ARMH4: variants seen among roughly 807,000 people sequenced by gnomAD.
ARMH4 encodes armadillo-like helical domain-containing protein 4.
A neutral mutation model predicts 61.9 loss-of-function variants in ARMH4; 49 were observed. That is an observed-to-expected ratio of 0.79 (90% CI 0.63 to 1.00). The LOEUF (loss-of-function observed/expected upper bound fraction) is 1.00, where lower values mean the gene tolerates loss of function less well. Among genes scored for constraint, ARMH4 ranks in the 50% least tolerant of loss-of-function variants. The probability of loss-of-function intolerance (pLI) is 0.00; values close to 1 mark genes in which losing one functional copy is unlikely to be tolerated. For synonymous variants in ARMH4, 368 were observed against 341.5 expected (o/e 1.08, Z -0.85); for missense variants, 934 against 930.0 (o/e 1.00, Z -0.06).
chr14:58,089,148 A>G (rs901059604), intron 5 of ARMH4, among the ~76,000 whole-genome samples: 1 of 152,196 alleles, frequency 6.6e-6, no homozygotes, highest in African/African-American at 2.4e-5. Context: ...CCTTCCACTC[A>G]TTCCATACAC....
intron 4 of ARMH4, among the ~76,000 whole-genome samples, chr14:58,099,792 T>C (rs2141268839): frequency 6.6e-6 from 1 of 152,268 alleles, no homozygotes; most frequent in South Asian, 2.1e-4. Flanking sequence ...GAGAATATCC[T>C]GGGAGACATG....
intron 4 of ARMH4, among the ~76,000 whole-genome samples, chr14:58,118,270 T>G (rs1886597575): frequency 1.3e-5 from 2 of 152,214 alleles, no homozygotes; most frequent in African/African-American, 4.8e-5. Context: ...AACAGTGCTA[T>G]ACTGCCTGGA....
intron 4 of ARMH4, among the ~76,000 whole-genome samples, chr14:58,121,187 C>T (rs377027535): frequency 6.6e-6 from 1 of 152,208 alleles, no homozygotes; most frequent in Non-Finnish European, 1.5e-5. Context: ...TTCTTGGTAT[C>T]ATCTGAATAG....
In ARMH4 at chr14:58,030,901, A is replaced by G. The variant is rs371608284; in HGVS notation, c.2090-18751T>C. 3.3e-5 allele frequency among the ~76,000 whole-genome samples: 5 copies of G among 152,194 alleles called. No individual in the cohort carries two copies. The East Asian group carries it at 5.8e-4, about 18-fold the overall frequency. ...CAATGGACACTCGGGGTACCTCCAC[A>G]TTGCAGCTACCATAAATAATGTCAC... On this transcript the variant is annotated intron_variant, in intron 5 of 7. Transcript: ENST00000267485.
chr14:58,150,941 T>A (rs1449921392), intron 1 of ARMH4, among the ~76,000 whole-genome samples: 1 of 152,184 alleles, frequency 6.6e-6, no homozygotes, highest in Non-Finnish European at 1.5e-5. Flanking sequence ...GGAGACTCCC[T>A]GGAGCCCAAC....
At chr14:58,031,936 C>G (rs748656313) in intron 5 of ARMH4, among the ~76,000 whole-genome samples, 10 of 152,168 alleles carry the variant, frequency 6.6e-5, no homozygotes, top group Admixed American at 2.6e-4. Flanking sequence ...AAACCCCTTC[C>G]AAGCTTTCTA....
At chr14:58,012,284 G>A (rs1190479454) in intron 5 of ARMH4, 134 bp from the exon 6 acceptor site, 4 of 483,086 alleles carry the variant, frequency 8.3e-6, no homozygotes, top group African/African-American at 2.0e-5. Flanking sequence ...ACATAATGAC[G>A]ATAATGGCCT....
intron 5 of ARMH4, among the ~76,000 whole-genome samples, chr14:58,064,035 T>C (rs1313609712): frequency 1.3e-5 from 2 of 152,156 alleles, no homozygotes; most frequent in Admixed American, 6.5e-5. Context: ...ACGCACACTT[T>C]TAACAAAGAT....
chr14:58,097,999 C>T (rs1390326630), intron 4 of ARMH4, among the ~76,000 whole-genome samples: 1 of 152,142 alleles, frequency 6.6e-6, no homozygotes, highest in Non-Finnish European at 1.5e-5. Context: ...ATGGATGCAC[C>T]TCTGAAGCCC....
chr14:58,066,601 G>T (rs1324889269), intron 5 of ARMH4, among the ~76,000 whole-genome samples: 2 of 152,072 alleles, frequency 1.3e-5, no homozygotes, highest in Admixed American at 1.3e-4. Flanking sequence ...AATAATTAAT[G>T]TTATAAAAAA....
intron 5 of ARMH4, among the ~76,000 whole-genome samples, chr14:58,013,835 C>T (rs1362544358): frequency 1.3e-5 from 2 of 151,944 alleles, no homozygotes; most frequent in Non-Finnish European, 2.9e-5. Flanking sequence ...ACCAGCCTGG[C>T]CAACATGGTG....
At chr14:58,049,065 A>T (rs183029135) in intron 5 of ARMH4, among the ~76,000 whole-genome samples, 1 of 151,868 alleles carries the variant, frequency 6.6e-6, no homozygotes, top group Non-Finnish European at 1.5e-5. Flanking sequence ...GTGAAACCCC[A>T]TCTCTATTAA....
In ARMH4 at chr14:58,053,401, C is replaced by T. The variant is rs73293209; in HGVS notation, c.2090-41251G>A. Among the ~76,000 whole-genome samples, 642 of 152,342 alleles carry T rather than the reference C, an allele frequency of 4.2e-3. 5 individuals are homozygous for T. Among genetic ancestry groups the T allele is most frequent in the African/African-American group, 0.015 (615 of 41,582 alleles). On this transcript the variant is annotated intron_variant, in intron 5 of 7. Coordinates refer to ENST00000267485, the MANE Select transcript of ARMH4 (RefSeq NM_001001872.4). ...GCAGGGTTTGGTCCCTGTTGGTTCA[C>T]CAGCCCCCAGTGCACTTCCTGCTGG... is the stretch of plus-strand genomic sequence containing the variant.
At chr14:58,080,130 T>C (rs1464774456) in intron 5 of ARMH4, among the ~76,000 whole-genome samples, 2 of 149,266 alleles carry the variant, frequency 1.3e-5, no homozygotes, top group African/African-American at 4.9e-5. Flanking sequence ...TATATATATA[T>C]ATAAAATTTT....
chr14:58,060,337 C>T (rs996963768), intron 5 of ARMH4, among the ~76,000 whole-genome samples: 3 of 152,220 alleles, frequency 2.0e-5, no homozygotes, highest in African/African-American at 4.8e-5. Context: ...TCCTTGGCTT[C>T]GTACTCCCCT....
Position 58,001,831 on chromosome 14 carries a change from C to G in ARMH4, c.*2905G>C, listed in dbSNP as rs1002032746. ...TTTATGAGCCTGCAAATTCTGGAAACACTGCCTCTCCCTCCGAGAAGAAGA... is the reference window on the plus strand; with the variant it reads ...TTTATGAGCCTGCAAATTCTGGAAAGACTGCCTCTCCCTCCGAGAAGAAGA... On this transcript the variant is annotated 3_prime_UTR_variant, in exon 8 of 8. Transcript: ENST00000267485. 4 of 152,140 alleles carry G rather than the reference C, an allele frequency of 2.6e-5. No homozygotes were observed. Among genetic ancestry groups the G allele is most frequent in the Non-Finnish European group, 5.9e-5 (4 of 68,048 alleles). The allele number at this position is 152,140 out of a possible 1,614,324, so 9.4% of individuals were successfully genotyped here.
intron 1 of ARMH4, among the ~76,000 whole-genome samples, chr14:58,148,783 T>G (rs1447915546): frequency 6.6e-6 from 1 of 152,122 alleles, no homozygotes; most frequent in Non-Finnish European, 1.5e-5. Context: ...TAACTGTCAC[T>G]CTAACAATAA....
chr14:58,148,781 A>G (rs1020928641), intron 1 of ARMH4, among the ~76,000 whole-genome samples: 5 of 151,294 alleles, frequency 3.3e-5, no homozygotes, highest in Admixed American at 6.6e-5. Flanking sequence ...TTTAACTGTC[A>G]CTCTAACAAT....
intron 6 of ARMH4, among the ~76,000 whole-genome samples, chr14:58,005,674 T>C (rs1320393276): frequency 2.0e-5 from 3 of 152,124 alleles, no homozygotes; most frequent in Non-Finnish European, 4.4e-5. Flanking sequence ...TCTCTGTCTG[T>C]CTTGGCTGCA....
Sources: allele counts gnomAD v4.1 joint callset (sites outside exome capture counted in the v4.1 genomes callset), GRCh38; gene constraint gnomAD v4.1.1; transcripts MANE v1.5; gene names NCBI Gene and HGNC (gene_info 2026-07-23, HGNC 2026-07-21).